SLIT2: variants seen among roughly 807,000 people sequenced by gnomAD.
The protein encoded by SLIT2 is slit guidance ligand 2.
In SLIT2, 41 loss-of-function variants were observed where a neutral mutation model predicts 185.7. That is an observed-to-expected ratio of 0.22 (90% CI 0.17 to 0.29). SLIT2 has a LOEUF of 0.29. Ranked by LOEUF, SLIT2 falls within the 10% of genes least tolerant of loss-of-function variation. The probability of loss-of-function intolerance (pLI) is 1.00; values close to 1 mark genes in which losing one functional copy is unlikely to be tolerated. For missense variants in SLIT2, 1,571 were observed against 1,909.0 expected, an observed-to-expected ratio of 0.82 and a Z score of 3.30; for synonymous variants, 693 against 680.2, an observed-to-expected ratio of 1.02 and a Z score of -0.29.
At position 20,317,833 on chromosome 4, in the gene SLIT2, A is replaced by G. The variant is rs142274205; in HGVS notation, c.395+48952A>G. 3.4e-3 allele frequency among the ~76,000 whole-genome samples: 523 copies of G among 152,256 alleles called. 6 individuals are homozygous for G. The highest frequency in any genetic ancestry group is 0.012 in the African/African-American group (496 of 41,576). On this transcript the variant is annotated intron_variant, in intron 4 of 36. Transcript: ENST00000504154. ...AAAAAAATTCTCATTAGAGGATAAA[A>G]GAACAAATACTGAGAGAATCCTAAA...
intron 3 of SLIT2, among the ~76,000 whole-genome samples, chr4:20,263,291 G>A (rs1712685080): frequency 1.3e-5 from 2 of 149,204 alleles, no homozygotes; most frequent in Admixed American, 6.8e-5. Flanking sequence ...CTTTCAGAAC[G>A]AAAGCTTGAT....
At chr4:20,340,425 G>A (rs1044775505) in intron 4 of SLIT2, among the ~76,000 whole-genome samples, 1 of 152,058 alleles carries the variant, frequency 6.6e-6, no homozygotes, top group Admixed American at 6.6e-5. Context: ...AACCAAGGGA[G>A]TATCTGTATC....
At chr4:20,317,564 T>TA (rs1256597637) in intron 4 of SLIT2, among the ~76,000 whole-genome samples, 2 of 152,088 alleles carry the variant, frequency 1.3e-5, no homozygotes, top group African/African-American at 4.8e-5. Context: ...TAAAATGAGT[T>TA]ATCTAAGGCT....
At chr4:20,518,239 G>GTATA (rs1553916493) in intron 11 of SLIT2, among the ~76,000 whole-genome samples, 20 of 85,250 alleles carry the variant, frequency 2.3e-4, no homozygotes, top group African/African-American at 9.4e-4. Flanking sequence ...ATGTGTGTGT[G>GTATA]TATATATATA....
rs555296079 is a variant in SLIT2, at chr4:20,325,794, C to T, written c.395+56913C>T. Among the ~76,000 whole-genome samples the T allele has an allele frequency of 2.6e-5, 4 of 152,236 alleles. No individual in the cohort carries two copies. The East Asian group carries it at 5.8e-4, about 22-fold the overall frequency. On this transcript the variant is annotated intron_variant, in intron 4 of 36. Coordinates refer to ENST00000504154, the MANE Select transcript of SLIT2 (RefSeq NM_004787.4). ...AAATCTCAAAACAATAAATACCTCTCTGAGTTCAAAGCTAGGAAAGAAAAA... is the reference window on the plus strand; with the variant it reads ...AAATCTCAAAACAATAAATACCTCTTTGAGTTCAAAGCTAGGAAAGAAAAA...
intron 4 of SLIT2, among the ~76,000 whole-genome samples, chr4:20,443,318 A>G (rs1310313087): frequency 6.6e-6 from 1 of 152,178 alleles, no homozygotes; most frequent in South Asian, 2.1e-4. Context: ...CACATGAGAG[A>G]TAGCTAACTT....
chr4:20,370,811 T>G (rs1723510205), intron 4 of SLIT2, among the ~76,000 whole-genome samples: 1 of 152,124 alleles, frequency 6.6e-6, no homozygotes, highest in Admixed American at 6.6e-5. Flanking sequence ...TACATTTTCC[T>G]GTAAAACAGA....
chr4:20,401,783 C>T (rs1483306461), intron 4 of SLIT2, among the ~76,000 whole-genome samples: 1 of 151,888 alleles, frequency 6.6e-6, no homozygotes, highest in Non-Finnish European at 1.5e-5. Context: ...ATGAATAACA[C>T]TGTCACAGGT....
At chr4:20,402,611 A>G (rs1726447620) in intron 4 of SLIT2, among the ~76,000 whole-genome samples, 1 of 151,856 alleles carries the variant, frequency 6.6e-6, no homozygotes, top group Admixed American at 6.6e-5. Context: ...AAGGAATAAC[A>G]TGGGATGTTA....
intron 4 of SLIT2, among the ~76,000 whole-genome samples, chr4:20,408,710 AATG>A (rs1215821859): frequency 6.6e-6 from 1 of 152,118 alleles, no homozygotes; most frequent in African/African-American, 2.4e-5. Flanking sequence ...TCCTTGAGTA[AATG>A]ATGAGTGAGC....
intron 26 of SLIT2, among the ~76,000 whole-genome samples, chr4:20,555,082 T>G (rs2148897236): frequency 6.6e-6 from 1 of 152,182 alleles, no homozygotes; most frequent in South Asian, 2.1e-4. Context: ...TTGTGTGTAT[T>G]TTAAGAAGGT....
At chr4:20,534,685 G>T (rs750990521) in intron 18 of SLIT2, among the ~76,000 whole-genome samples, 10 of 152,026 alleles carry the variant, frequency 6.6e-5, no homozygotes, top group African/African-American at 2.4e-4. Context: ...TCAAACCCAC[G>T]ATCCTGCCCC....
intron 4 of SLIT2, among the ~76,000 whole-genome samples, chr4:20,418,814 A>G (rs1313939546): frequency 6.6e-6 from 1 of 152,166 alleles, no homozygotes; most frequent in Non-Finnish European, 1.5e-5. Context: ...ACACATACAC[A>G]TACACAAATG....
rs1000464277 is a variant in SLIT2, at chr4:20,589,574, A to G, written c.3089-70A>G. On this transcript the variant is annotated intron_variant, in intron 29 of 36. Coordinates refer to ENST00000504154, the MANE Select transcript of SLIT2 (RefSeq NM_004787.4). ...GCCCTAACCTCTAAGACCCATGACA[A>G]TGACACAGTCTGCTGGCAGGAAGCC... 30 of 1,170,890 alleles carry G rather than the reference A, an allele frequency of 2.6e-5. No homozygotes were observed. In the Admixed American group the frequency reaches 2.9e-4, roughly 11 times the overall value. 72.5% of individuals were successfully genotyped at this position (1,170,890 alleles called of 1,614,324 possible).
intron 29 of SLIT2, among the ~76,000 whole-genome samples, chr4:20,582,288 G>A (rs758936873): frequency 1.6e-4 from 24 of 152,140 alleles, no homozygotes; most frequent in Non-Finnish European, 1.5e-4. Flanking sequence ...CCTTGCCTCT[G>A]AGTCTCACCT....
At chr4:20,258,606 T>G (rs1712109670) in intron 3 of SLIT2, among the ~76,000 whole-genome samples, 3 of 151,738 alleles carry the variant, frequency 2.0e-5, no homozygotes, top group Non-Finnish European at 4.4e-5. Context: ...TAAGATACGT[T>G]TTTTACATAT....
At chr4:20,449,552 GCA>G (rs1712232514) in intron 4 of SLIT2, among the ~76,000 whole-genome samples, 1 of 151,902 alleles carries the variant, frequency 6.6e-6, no homozygotes, top group African/African-American at 2.4e-5. Flanking sequence ...GGGATTACAG[GCA>G]CACACCACCA....
At chr4:20,425,985 C>T (rs1391653778) in intron 4 of SLIT2, among the ~76,000 whole-genome samples, 2 of 152,134 alleles carry the variant, frequency 1.3e-5, no homozygotes, top group Non-Finnish European at 2.9e-5. Context: ...TTTGCTGTCA[C>T]CTTAGGAGCT....
chr4:20,313,469 A>G (rs1009349923), intron 4 of SLIT2, among the ~76,000 whole-genome samples: 13 of 152,166 alleles, frequency 8.5e-5, no homozygotes, highest in Admixed American at 3.9e-4. Context: ...AGCTCCCACT[A>G]GGTCCCACCT....
Sources: allele counts gnomAD v4.1 joint callset (sites outside exome capture counted in the v4.1 genomes callset), GRCh38; gene constraint gnomAD v4.1.1; transcripts MANE v1.5; gene names NCBI Gene and HGNC (gene_info 2026-07-23, HGNC 2026-07-21).